The following PIN4 variants were observed in gnomAD, a reference collection of about 807,000 sequenced individuals.
PIN4 encodes peptidylprolyl cis/trans isomerase, NIMA-interacting 4, also known as peptidyl-prolyl cis-trans isomerase NIMA-interacting 4.
PIN4 carries 3 observed loss-of-function variants against 8.3 expected under a neutral mutation model. That is an observed-to-expected ratio of 0.36 (90% confidence interval 0.16 to 0.93). The LOEUF is 0.93. Among genes scored for constraint, PIN4 ranks in the 40% least tolerant of loss-of-function variants. PIN4 has a pLI of 0.44. For missense variants in PIN4, 75 were observed against 100.6 expected (o/e 0.75, Z 1.09); for synonymous variants, 18 against 32.5 (o/e 0.55, Z 1.52).
intron 2 of PIN4, among the ~76,000 whole-genome samples, chrX:72,190,929 G>A (rs1316310866): frequency 2.9e-5 from 3 of 104,850 alleles, no homozygotes; most frequent in African/African-American, 1.1e-4. Context: ...CTCCAGCCTG[G>A]GCAACAGAGC....
chrX:72,230,816 T>G (rs865960696), intron 3 of PIN4, among the ~76,000 whole-genome samples: 1 of 110,828 alleles, frequency 9.0e-6, no homozygotes, highest in African/African-American at 3.3e-5. Flanking sequence ...ATACAAAAAA[T>G]TAGCCAGGCA....
chrX:72,181,774 C>G lies in PIN4; in HGVS notation c.-12C>G, dbSNP rs1356496363. The G allele has an allele frequency of 1.7e-6, 2 of 1,199,784 alleles. No individual in the cohort carries two copies. Among genetic ancestry groups the G allele is most frequent in the Non-Finnish European group, 2.3e-6 (2 of 885,332 alleles). Reference sequence around the variant, plus strand: ...ACTGGAGCGGTTCAGCGTTCAACAACAAGCTTCCAAGATGCCGCCCAAAGG... The same window carrying G: ...ACTGGAGCGGTTCAGCGTTCAACAAGAAGCTTCCAAGATGCCGCCCAAAGG... On this transcript the variant is annotated 5_prime_UTR_variant, in exon 1 of 4. Transcript: ENST00000373669.
intron 3 of PIN4, among the ~76,000 whole-genome samples, chrX:72,258,591 C>T (rs2147619231): frequency 9.0e-6 from 1 of 111,675 alleles, no homozygotes; most frequent in Admixed American, 9.5e-5. Context: ...AACCCTACCC[C>T]CACCTCCAGA....
intron 3 of PIN4, among the ~76,000 whole-genome samples, chrX:72,245,982 T>A (rs778294751): frequency 8.3e-4 from 93 of 111,727 alleles, no homozygotes; most frequent in Admixed American, 3.4e-3. Flanking sequence ...TCCCTTTGGG[T>A]TACCTCAGTG....
downstream of PIN4, among the ~76,000 whole-genome samples, chrX:72,200,033 G>C (rs1384245733): frequency 9.0e-6 from 1 of 110,536 alleles, no homozygotes; most frequent in African/African-American, 3.3e-5. Flanking sequence ...GAGTGTGGTG[G>C]TGTGTGCTTG....
At chrX:72,261,052 C>T (rs756804080) in intron 3 of PIN4, among the ~76,000 whole-genome samples, 2 of 111,589 alleles carry the variant, frequency 1.8e-5, no homozygotes. Flanking sequence ...AATCCCAACA[C>T]TTTGGGAGGC....
chrX:72,253,276 A>G (rs1046310265), intron 3 of PIN4, among the ~76,000 whole-genome samples: 3 of 112,127 alleles, frequency 2.7e-5, no homozygotes, highest in African/African-American at 9.7e-5. Flanking sequence ...GAATTTACCA[A>G]TGGTTTCCTA....
At chrX:72,186,170 C>T (rs769828918) in intron 1 of PIN4, 282 of 329,023 alleles carry the variant, frequency 8.6e-4, no homozygotes, top group Non-Finnish European at 1.3e-3. Context: ...TGCAGCCCAA[C>T]ACAAATTTGC....
At chrX:72,243,735 T>C (rs765737486) in intron 3 of PIN4, among the ~76,000 whole-genome samples, 3 of 112,386 alleles carry the variant, frequency 2.7e-5, no homozygotes, top group African/African-American at 9.7e-5. Context: ...GAGAGATGGA[T>C]GAGGCCGAAT....
At chrX:72,212,257 G>A (rs2042859742) in intron 3 of PIN4, among the ~76,000 whole-genome samples, 1 of 109,666 alleles carries the variant, frequency 9.1e-6, no homozygotes, top group South Asian at 4.0e-4. Flanking sequence ...GCACCACAGC[G>A]AGACCCCATC....
intron 3 of PIN4, among the ~76,000 whole-genome samples, chrX:72,231,233 T>G (rs1420833926): frequency 8.9e-6 from 1 of 112,047 alleles, no homozygotes; most frequent in East Asian, 2.8e-4. Context: ...AATGAAAAAT[T>G]ATTCAGCCGT....
chrX:72,193,945 A>G (rs956969665), intron 2 of PIN4, among the ~76,000 whole-genome samples: 4 of 112,001 alleles, frequency 3.6e-5, no homozygotes, highest in South Asian at 3.6e-4. Flanking sequence ...CAGTTGCACA[A>G]TGTGTTTGTT....
At chrX:72,191,011 T>C (rs1301326503) in intron 2 of PIN4, among the ~76,000 whole-genome samples, 1 of 107,280 alleles carries the variant, frequency 9.3e-6, no homozygotes, top group Non-Finnish European at 1.9e-5. Flanking sequence ...TCACACAGCC[T>C]TGGGGATTGG....
chrX:72,228,521 C>T (rs1438995926), intron 3 of PIN4, among the ~76,000 whole-genome samples: 1 of 111,637 alleles, frequency 9.0e-6, no homozygotes, highest in East Asian at 2.8e-4. Flanking sequence ...TTGCCTCACC[C>T]GAATCTTGGA....
At chrX:72,184,082 G>C (rs2042686596) in intron 1 of PIN4, among the ~76,000 whole-genome samples, 1 of 112,396 alleles carries the variant, frequency 8.9e-6, no homozygotes, top group Non-Finnish European at 1.9e-5. Context: ...TATGCAATTG[G>C]CACAATATAG....
Position 72,190,389 on chromosome X carries a change from CT to C in PIN4, c.117+3858del, listed in dbSNP as rs772149320. 4.5e-5 allele frequency among the ~76,000 whole-genome samples: 5 copies of C among 111,140 alleles called. No homozygotes were observed. In the East Asian group the frequency reaches 1.4e-3, roughly 31 times the overall value. ...GATATTCCAAGTATACTGATTTGATCTTTACCAATTATATGAATGTATTAGA... is the reference window on the plus strand; with the variant it reads ...GATATTCCAAGTATACTGATTTGATCTTACCAATTATATGAATGTATTAGA... On this transcript the variant is annotated intron_variant, in intron 2 of 3. Transcript: ENST00000373669.
At chrX:72,216,928 T>C (rs1453436165) in intron 3 of PIN4, among the ~76,000 whole-genome samples, 1 of 112,332 alleles carries the variant, frequency 8.9e-6, no homozygotes. Flanking sequence ...TCAGTCAGGA[T>C]GTTAGCCACC....
chrX:72,227,901 T>C (rs1411337331), intron 3 of PIN4, among the ~76,000 whole-genome samples: 3 of 112,959 alleles, frequency 2.7e-5, no homozygotes, highest in Non-Finnish European at 5.6e-5. Context: ...ATGTACTTTA[T>C]GTTCTTAGCT....
intron 3 of PIN4, among the ~76,000 whole-genome samples, chrX:72,222,513 C>T (rs185339099): frequency 1.0e-4 from 11 of 110,320 alleles, no homozygotes; most frequent in East Asian, 2.8e-4. Flanking sequence ...TGTCTCCTCA[C>T]GGGCATGAAC....
Sources: gnomAD v4.1 joint callset for allele counts (sites outside exome capture counted in the v4.1 genomes callset) on GRCh38, gnomAD v4.1.1 for gene constraint, MANE v1.5 for transcripts, NCBI Gene and HGNC (gene_info 2026-07-23, HGNC 2026-07-21) for gene names.